MIPEP: variants seen among roughly 807,000 people sequenced by gnomAD.
MIPEP encodes mitochondrial intermediate peptidase.
Under a neutral mutation model 90.3 loss-of-function variants are expected in MIPEP, and 79 were observed. The observed-to-expected ratio is 0.87, with a 90% CI of 0.73 to 1.05. MIPEP has a LOEUF of 1.05. Ranked by LOEUF, MIPEP falls within the 50% of genes least tolerant of loss-of-function variation. MIPEP has a pLI of 0.00. For missense variants in MIPEP, 940 were observed against 905.6 expected, an observed-to-expected ratio of 1.04 and a Z score of -0.49; for synonymous variants, 334 against 315.8, an observed-to-expected ratio of 1.06 and a Z score of -0.61.
chr13:23,774,715 G>T (rs566698883), intron 16 of MIPEP, among the ~76,000 whole-genome samples: 42 of 149,640 alleles, frequency 2.8e-4, no homozygotes, highest in African/African-American at 9.8e-4. Flanking sequence ...TTTATTGCTA[G>T]AATACAGAAA....
chr13:23,859,771 G>A (rs1374753912), intron 9 of MIPEP, among the ~76,000 whole-genome samples: 3 of 152,194 alleles, frequency 2.0e-5, no homozygotes, highest in African/African-American at 7.2e-5. Context: ...ATCTGGCATT[G>A]AGTAAGGGCT....
At chr13:23,749,231 A>G (rs985004859) in intron 18 of MIPEP, among the ~76,000 whole-genome samples, 7 of 152,226 alleles carry the variant, frequency 4.6e-5, no homozygotes, top group African/African-American at 1.7e-4. Flanking sequence ...TTTAAATGTC[A>G]GCAGTACTCC....
chr13:23,730,516 A>C, intron 18 of MIPEP, 71 bp from the exon 19 acceptor site: 1 of 942,492 alleles, frequency 1.1e-6, no homozygotes, highest in Non-Finnish European at 1.7e-6. Flanking sequence ...ACAAAATCAA[A>C]TCCACACACT....
chr13:23,833,645 T>C (rs1008097247), intron 14 of MIPEP, among the ~76,000 whole-genome samples: 7 of 152,198 alleles, frequency 4.6e-5, no homozygotes, highest in African/African-American at 1.7e-4. Context: ...CCAGCCTTTC[T>C]TTGCTCCTGG....
intron 14 of MIPEP, among the ~76,000 whole-genome samples, chr13:23,833,952 A>G (rs970139375): frequency 6.6e-6 from 1 of 151,878 alleles, no homozygotes; most frequent in African/African-American, 2.4e-5. Context: ...CGTCTCCCAC[A>G]CTAAGTGGCG....
At chr13:23,813,428 T>C (rs1312937773) in intron 14 of MIPEP, among the ~76,000 whole-genome samples, 1 of 152,208 alleles carries the variant, frequency 6.6e-6, no homozygotes, top group East Asian at 1.9e-4. Context: ...TCCTCCTGTA[T>C]ATTTGAAATC....
intron 4 of MIPEP, among the ~76,000 whole-genome samples, chr13:23,877,911 A>C (rs1871133797): frequency 6.6e-6 from 1 of 152,084 alleles, no homozygotes; most frequent in South Asian, 2.1e-4. Context: ...TAGACTGTTG[A>C]TATTCTACCC....
At chr13:23,829,636 G>C (rs1868639675) in intron 14 of MIPEP, among the ~76,000 whole-genome samples, 1 of 151,952 alleles carries the variant, frequency 6.6e-6, no homozygotes, top group Admixed American at 6.6e-5. Flanking sequence ...AAAGACATCT[G>C]ACAGAAAACA....
intron 16 of MIPEP, among the ~76,000 whole-genome samples, chr13:23,762,770 T>C (rs1014085227): frequency 1.2e-4 from 18 of 152,212 alleles, no homozygotes; most frequent in Admixed American, 9.2e-4. Flanking sequence ...CCTGTATCCC[T>C]ACCTCACAGG....
chr13:23,810,063 T>A (rs1033190081), intron 14 of MIPEP, 139 bp from the exon 15 acceptor site: 32 of 516,022 alleles, frequency 6.2e-5, no homozygotes, highest in Admixed American at 4.8e-4. Flanking sequence ...ATAATAACTT[T>A]AAATATTTTA....
rs1488662157 is a variant in MIPEP at position 23,836,320 on chromosome 13, C to T, written c.1573G>A (p.Val525Ile). The stretch of plus-strand genomic sequence containing the variant: ...AAGTACTCCATCAGAATAGAAGGAA[C>T]CTCAGCAAAATCAGTAGGGCACCTG... ...GTRCPTDFAE[V>I]PSILMEYFAN... The change falls in exon 14 of 19, where the codon GTT (valine) becomes ATT (isoleucine). Residue 525 changes from valine to isoleucine, a missense_variant. Transcript: ENST00000382172. 1 of 1,594,920 alleles carries T rather than the reference C, an allele frequency of 6.3e-7. No individual in the cohort carries two copies. The highest frequency in any genetic ancestry group is 8.5e-7 in the Non-Finnish European group (1 of 1,172,788).
intron 14 of MIPEP, among the ~76,000 whole-genome samples, chr13:23,814,883 G>GT (rs1469645563): frequency 6.6e-6 from 1 of 152,220 alleles, no homozygotes; most frequent in Non-Finnish European, 1.5e-5. Context: ...CTGTAGCACA[G>GT]TAAGGAGCAT....
intron 16 of MIPEP, among the ~76,000 whole-genome samples, chr13:23,767,122 T>C (rs1952598986): frequency 6.6e-6 from 1 of 152,134 alleles, no homozygotes. Context: ...ACATGAATTA[T>C]GCCAATAACC....
At chr13:23,843,082 C>A (rs1414500494) in intron 10 of MIPEP, among the ~76,000 whole-genome samples, 3 of 107,666 alleles carry the variant, frequency 2.8e-5, no homozygotes, top group African/African-American at 7.8e-5. Context: ...GGCGACAGAG[C>A]AAGACTCTCC....
At chr13:23,813,516 C>T (rs532508895) in intron 14 of MIPEP, among the ~76,000 whole-genome samples, 1 of 152,200 alleles carries the variant, frequency 6.6e-6, no homozygotes, top group South Asian at 2.1e-4. Context: ...ATGTTCAGTA[C>T]CGACACAACC....
intron 16 of MIPEP, among the ~76,000 whole-genome samples, chr13:23,776,872 G>A (rs1346991393): frequency 1.3e-5 from 2 of 151,806 alleles, no homozygotes; most frequent in African/African-American, 2.4e-5. Context: ...ACAGCACAGA[G>A]GGTAACTTTA....
chr13:23,820,100 T>A (rs7336452), intron 14 of MIPEP, among the ~76,000 whole-genome samples: 28 of 152,282 alleles, frequency 1.8e-4, no homozygotes, highest in African/African-American at 5.8e-4. Flanking sequence ...GGTTTACAGA[T>A]GTGTCATTTA....
chr13:23,734,849 C>T (rs1351533256), intron 18 of MIPEP, among the ~76,000 whole-genome samples: 1 of 152,124 alleles, frequency 6.6e-6, no homozygotes, highest in African/African-American at 2.4e-5. Context: ...TTATTTTAGG[C>T]AGATAGAGAG....
rs565677449 is a variant in MIPEP, at chr13:23,843,356, A to G, written c.1107-1868T>C. On this transcript the variant is annotated intron_variant, in intron 10 of 18. Coordinates refer to ENST00000382172, the MANE Select transcript of MIPEP (RefSeq NM_005932.4). ...GGCCAGAAAACAGAGGGCCTGGTCC[A>G]CTAAGCTGAGGAACTGGGACCATGC... 4.6e-5 allele frequency among the ~76,000 whole-genome samples: 7 copies of G among 152,290 alleles called. No homozygotes were observed. The South Asian group carries it at 1.4e-3, about 32-fold the overall frequency.
Sources: gnomAD v4.1 joint callset for allele counts (sites outside exome capture counted in the v4.1 genomes callset) on GRCh38, gnomAD v4.1.1 for gene constraint, MANE v1.5 for transcripts, NCBI Gene and HGNC (gene_info 2026-07-23, HGNC 2026-07-21) for gene names.